The following FAM163A variants were observed in gnomAD, a reference collection of about 807,000 sequenced individuals.
FAM163A encodes protein FAM163A.
In FAM163A, 7 loss-of-function variants were observed where a neutral mutation model predicts 12.0. The ratio of observed to expected loss-of-function variants is 0.58; its 90% confidence interval spans 0.33 to 1.10. FAM163A has a LOEUF of 1.10. Among genes scored for constraint, FAM163A ranks in the 50% least tolerant of loss-of-function variants. The probability of loss-of-function intolerance (pLI) is 0.03; values close to 1 mark genes in which losing one functional copy is unlikely to be tolerated. For synonymous variants in FAM163A, 101 were observed against 91.0 expected, an observed-to-expected ratio of 1.11 and a Z score of -0.62; for missense variants, 202 against 218.6, an observed-to-expected ratio of 0.92 and a Z score of 0.48.
intron 1 of FAM163A, among the ~76,000 whole-genome samples, chr1:179,792,087 C>G (rs1422295659): frequency 6.6e-6 from 1 of 152,136 alleles, no homozygotes; most frequent in Non-Finnish European, 1.5e-5. Context: ...TGACCTTGAG[C>G]AAGTTTCTCA....
At chr1:179,752,220 AG>A (rs1685374263) in intron 1 of FAM163A, among the ~76,000 whole-genome samples, 2 of 152,196 alleles carry the variant, frequency 1.3e-5, no homozygotes, top group African/African-American at 4.8e-5. Context: ...TTCAACAAAT[AG>A]TGTTAGCAAA....
At chr1:179,774,358 A>G (rs2148133413) in intron 1 of FAM163A, among the ~76,000 whole-genome samples, 1 of 152,358 alleles carries the variant, frequency 6.6e-6, no homozygotes. Flanking sequence ...CGGCCTTCCC[A>G]GTCCTGAGCC....
chr1:179,808,691 A>G (rs2148357448), intron 2 of FAM163A, among the ~76,000 whole-genome samples: 1 of 152,354 alleles, frequency 6.6e-6, no homozygotes, highest in East Asian at 1.9e-4. Context: ...GGTTAAAGCA[A>G]GTTACAGGCC....
rs1032293031 is a variant in FAM163A, at chr1:179,813,732, G to C, written c.94-47G>C. On this transcript the variant is annotated intron_variant, in intron 4 of 4. Transcript: ENST00000341785. ...GTGCACGCTCAAAAATGCATGGGGC[G>C]GGGGGAGCATTCACCCTCTCAGGCA... 2.5e-6 allele frequency: 4 copies of C among 1,604,030 alleles called. No individual in the cohort carries two copies. The African/African-American group carries it at 5.4e-5, about 21-fold the overall frequency.
intron 1 of FAM163A, among the ~76,000 whole-genome samples, chr1:179,748,496 C>T (rs372659173): frequency 6.6e-6 from 1 of 152,326 alleles, no homozygotes; most frequent in South Asian, 2.1e-4. Context: ...CAGAAAATGT[C>T]TGTTGTCAAA....
chr1:179,777,914 A>T (rs1320233182), intron 1 of FAM163A, among the ~76,000 whole-genome samples: 1 of 152,102 alleles, frequency 6.6e-6, no homozygotes, highest in Non-Finnish European at 1.5e-5. Flanking sequence ...CAACCTCATG[A>T]CTGACTGGCT....
chr1:179,775,242 G>GA, intron 1 of FAM163A, among the ~76,000 whole-genome samples: 1 of 152,304 alleles, frequency 6.6e-6, no homozygotes, highest in East Asian at 1.9e-4. Flanking sequence ...TGAAATTACA[G>GA]AGGTCATACT....
chr1:179,779,129 T>C (rs4428843), intron 1 of FAM163A, among the ~76,000 whole-genome samples: 12,293 of 152,298 alleles, frequency 0.081, 655 homozygotes, highest in Non-Finnish European at 0.12. Flanking sequence ...CGGTGATTAA[T>C]TTGGGTGTTA....
chr1:179,811,522 G>A (rs530675474), intron 2 of FAM163A, among the ~76,000 whole-genome samples: 1 of 152,312 alleles, frequency 6.6e-6, no homozygotes, highest in Admixed American at 6.5e-5. Context: ...GGCCTGTGGG[G>A]GGCCTGAGAT....
intron 1 of FAM163A, among the ~76,000 whole-genome samples, chr1:179,799,172 C>G (rs142053537): frequency 1.2e-4 from 18 of 151,744 alleles, no homozygotes; most frequent in South Asian, 4.1e-4. Flanking sequence ...ATAGATGCTT[C>G]TGCCTTTCCT....
intron 1 of FAM163A, among the ~76,000 whole-genome samples, chr1:179,757,323 G>A (rs1431520879): frequency 1.3e-5 from 2 of 152,164 alleles, no homozygotes; most frequent in African/African-American, 2.4e-5. Flanking sequence ...GAAGAAAGCA[G>A]GATTAGATTA....
chr1:179,778,236 T>C (rs1189493312), intron 1 of FAM163A, among the ~76,000 whole-genome samples: 1 of 152,074 alleles, frequency 6.6e-6, no homozygotes, highest in Non-Finnish European at 1.5e-5. Flanking sequence ...CTGGCCTAGG[T>C]AAGATCACGA....
chr1:179,735,041 G>A, the FAM163A span, among the ~76,000 whole-genome samples: 1 of 152,192 alleles, frequency 6.6e-6, no homozygotes, highest in East Asian at 1.9e-4. Context: ...TACTGAGCTA[G>A]AATGCACCTG....
chr1:179,782,402 A>T (rs1477937130), intron 1 of FAM163A, among the ~76,000 whole-genome samples: 2 of 151,968 alleles, frequency 1.3e-5, no homozygotes, highest in Admixed American at 6.6e-5. Context: ...GTCGGCAGGG[A>T]CACAGTGAGG....
chr1:179,780,881 A>G (rs1300906140), intron 1 of FAM163A, among the ~76,000 whole-genome samples: 1 of 152,244 alleles, frequency 6.6e-6, no homozygotes, highest in Non-Finnish European at 1.5e-5. Flanking sequence ...TCACAGAATC[A>G]GAGTGTTCTC....
At chr1:179,732,268 C>T in the FAM163A span, among the ~76,000 whole-genome samples, 46,821 of 152,118 alleles carry the variant, frequency 0.31, 7,584 homozygotes, top group South Asian at 0.42. Flanking sequence ...TGTTCAAGAA[C>T]AGATTCATCC....
chr1:179,767,089 C>G (rs1236158920), intron 1 of FAM163A, among the ~76,000 whole-genome samples: 1 of 152,116 alleles, frequency 6.6e-6, no homozygotes, highest in Non-Finnish European at 1.5e-5. Flanking sequence ...AACAGGAGTC[C>G]TCCCTGCCAT....
intron 1 of FAM163A, among the ~76,000 whole-genome samples, chr1:179,765,416 GC>G (rs1423997622): frequency 1.3e-5 from 2 of 152,344 alleles, no homozygotes; most frequent in East Asian, 3.9e-4. Flanking sequence ...CAAACATGTG[GC>G]CAGGCCACAT....
upstream of FAM163A, chr1:179,743,052 AG>A (rs1557881784): frequency 6.6e-6 from 1 of 152,328 alleles, no homozygotes; most frequent in African/African-American, 2.4e-5. Context: ...AGGCGTTCCC[AG>A]GGCGCCCGCC....
Sources: allele counts gnomAD v4.1 joint callset (sites outside exome capture counted in the v4.1 genomes callset), GRCh38; gene constraint gnomAD v4.1.1; transcripts MANE v1.5; gene names NCBI Gene and HGNC (gene_info 2026-07-23, HGNC 2026-07-21).